The following PTPN1 variants were observed in gnomAD, a reference collection of about 807,000 sequenced individuals.
PTPN1 encodes protein tyrosine phosphatase non-receptor type 1, also known as tyrosine-protein phosphatase non-receptor type 1.
PTPN1 carries 12 observed loss-of-function variants against 59.9 expected under a neutral mutation model. The observed-to-expected ratio is 0.20, with a 90% CI of 0.13 to 0.32. The LOEUF is 0.32. PTPN1 is among the 10% of genes least tolerant of loss of function. The pLI is 1.00. For synonymous variants in PTPN1, 178 were observed against 203.6 expected (o/e 0.87, Z 1.07); for missense variants, 356 against 549.2 (o/e 0.65, Z 3.52).
chr20:50,562,998 A>G (rs1310597064), intron 2 of PTPN1: 2 of 150,728 alleles, frequency 1.3e-5, no homozygotes, highest in African/African-American at 4.9e-5. Flanking sequence ...TATTTAAAAT[A>G]TTCTTCCAGG....
At chr20:50,579,144 TTA>T in intron 6 of PTPN1, 22 bp from the exon 7 acceptor site, 2 of 1,613,010 alleles carry the variant, frequency 1.2e-6, no homozygotes, top group Non-Finnish European at 1.7e-6. Flanking sequence ...CCTGGCTGAC[TTA>T]TATCTCCTCT....
chr20:50,579,073 C>T (rs2082851787), intron 6 of PTPN1, 95 bp from the exon 7 acceptor site: 1 of 1,367,244 alleles, frequency 7.3e-7, no homozygotes. Flanking sequence ...CACATTTCAG[C>T]ATGAGATTGG....
intron 1 of PTPN1, among the ~76,000 whole-genome samples, chr20:50,513,789 A>G (rs13042585): frequency 0.012 from 1,863 of 152,354 alleles, 20 homozygotes; most frequent in Non-Finnish European, 0.02. Context: ...AAAGATGAAT[A>G]TTAAAATTTG....
At chr20:50,520,119 C>T (rs955784636) in intron 1 of PTPN1, among the ~76,000 whole-genome samples, 10 of 152,104 alleles carry the variant, frequency 6.6e-5, no homozygotes, top group Admixed American at 5.2e-4. Context: ...CGCCTGTAAT[C>T]CCAGCACTTT....
chr20:50,530,052 T>G (rs2082594007), intron 1 of PTPN1, among the ~76,000 whole-genome samples: 1 of 151,940 alleles, frequency 6.6e-6, no homozygotes, highest in South Asian at 2.1e-4. Flanking sequence ...TATTTGTATT[T>G]TTAGTAGAGA....
At chr20:50,525,381 C>G (rs1442135314) in intron 1 of PTPN1, among the ~76,000 whole-genome samples, 2 of 152,230 alleles carry the variant, frequency 1.3e-5, no homozygotes, top group African/African-American at 2.4e-5. Context: ...AATTTAAATA[C>G]AAAAATTATG....
chr20:50,567,166 G>A (rs1049550816), intron 3 of PTPN1, among the ~76,000 whole-genome samples: 1 of 152,200 alleles, frequency 6.6e-6, no homozygotes, highest in Non-Finnish European at 1.5e-5. Context: ...GGTGGCTTAC[G>A]CCTGTAATCC....
intron 3 of PTPN1, among the ~76,000 whole-genome samples, chr20:50,565,416 A>C (rs529699065): frequency 1.3e-5 from 2 of 152,242 alleles, no homozygotes; most frequent in Non-Finnish European, 2.9e-5. Context: ...GTCGTAGAGC[A>C]CTTGTGATGG....
At chr20:50,533,696 C>T (rs908392040) in intron 1 of PTPN1, among the ~76,000 whole-genome samples, 1 of 152,040 alleles carries the variant, frequency 6.6e-6, no homozygotes, top group Non-Finnish European at 1.5e-5. Flanking sequence ...CCTTGCCCCC[C>T]CCCAGAAAGG....
Position 50,579,315 on chromosome 20 carries a change from G to A in PTPN1, c.850G>A (p.Asp284Asn). 1 of 1,614,134 alleles carries A rather than the reference G, an allele frequency of 6.2e-7. No homozygotes were observed. The highest frequency in any genetic ancestry group is 8.5e-7 in the Non-Finnish European group (1 of 1,179,970). ...VIEGAKFIMG[D>N]SSVQDQWKEL... ...CGAAGGTGCCAAATTCATCATGGGG[G>A]ACTCTTCCGTGCAGGTCAGCATTGC... Residue 284 changes from aspartate (D) to asparagine (N), a missense_variant, in exon 7 of 10, where the codon GAC (aspartate) becomes AAC (asparagine). By Grantham distance (23) the Asp-to-Asn change is conservative. Coordinates refer to ENST00000371621, the MANE Select transcript of PTPN1 (RefSeq NM_002827.4).
chr20:50,543,149 A>G (rs948031875), intron 1 of PTPN1, among the ~76,000 whole-genome samples: 15 of 152,228 alleles, frequency 9.9e-5, no homozygotes, highest in African/African-American at 3.6e-4. Flanking sequence ...ATAAACAGGA[A>G]CAATTTAATG....
intron 1 of PTPN1, among the ~76,000 whole-genome samples, chr20:50,513,931 T>G (rs2082518063): frequency 6.6e-6 from 1 of 152,150 alleles, no homozygotes; most frequent in Admixed American, 6.5e-5. Flanking sequence ...ATGGAGAGAC[T>G]GGGAAGTTCT....
intron 1 of PTPN1, among the ~76,000 whole-genome samples, chr20:50,523,772 C>T (rs187119511): frequency 1.3e-5 from 2 of 152,204 alleles, no homozygotes; most frequent in Admixed American, 1.3e-4. Context: ...TGGGGATGCT[C>T]AGGAAAAGGT....
intron 1 of PTPN1, among the ~76,000 whole-genome samples, chr20:50,530,832 T>TGTACC (rs1315468806): frequency 6.6e-6 from 1 of 152,122 alleles, no homozygotes; most frequent in Non-Finnish European, 1.5e-5. Flanking sequence ...TAACTGAGAC[T>TGTACC]ACAGGCATGT....
chr20:50,516,644 A>G (rs1296937668), intron 1 of PTPN1, among the ~76,000 whole-genome samples: 2 of 152,230 alleles, frequency 1.3e-5, no homozygotes, highest in African/African-American at 2.4e-5. Context: ...CCCGAGGGGC[A>G]TGAAATGTTT....
intron 4 of PTPN1, chr20:50,571,388 A>G (rs1397183895): frequency 1.3e-5 from 2 of 152,206 alleles, no homozygotes; most frequent in Non-Finnish European, 2.9e-5. Flanking sequence ...ATGGTTTGAG[A>G]TTGTTAAAGT....
chr20:50,562,429 T>C (rs183499823), intron 2 of PTPN1, among the ~76,000 whole-genome samples: 8 of 152,094 alleles, frequency 5.3e-5, no homozygotes, highest in Admixed American at 4.6e-4. Flanking sequence ...GTGTGCCTCT[T>C]GGCCTGCCAC....
rs577990266 is a variant in PTPN1, at chr20:50,582,378, G to A, written c.1285-314G>A. Among the ~76,000 whole-genome samples, 4 of 152,390 alleles carry A rather than the reference G, an allele frequency of 2.6e-5. No homozygotes were observed. Among genetic ancestry groups the A allele is most frequent in the African/African-American group, 9.6e-5 (4 of 41,602 alleles). On this transcript the variant is annotated intron_variant, in intron 9 of 9. Transcript: ENST00000371621. This position sits in a 1 kb window ranked among gnomAD's most constrained non-coding sequence, Gnocchi z 4.2. ...CACGTTAGACGTGTGTTGCTGTTAA[G>A]TAAGGGGAAGAGAGAGGACTAGCCT...
intron 1 of PTPN1, among the ~76,000 whole-genome samples, chr20:50,527,052 G>A (rs145648911): frequency 2.0e-5 from 3 of 152,310 alleles, no homozygotes; most frequent in African/African-American, 4.8e-5. Context: ...TGCTCCTAGA[G>A]TCTGCGCTCC....
Sources: gnomAD v4.1 joint callset for allele counts (sites outside exome capture counted in the v4.1 genomes callset) on GRCh38, gnomAD v4.1.1 for gene constraint, Gnocchi (gnomAD v3.1) non-coding constraint, MANE v1.5 for transcripts, NCBI Gene and HGNC (gene_info 2026-07-23, HGNC 2026-07-21) for gene names.